Variants in ACACA observed in about 807,000 individuals in gnomAD.
The protein encoded by ACACA is acetyl-CoA carboxylase 1.
A neutral mutation model predicts 296.1 loss-of-function variants in ACACA; 103 were observed. That is an observed-to-expected ratio of 0.35 (90% CI 0.30 to 0.41). The LOEUF is 0.41. Among genes scored for constraint, ACACA ranks in the 10% least tolerant of loss-of-function variants. ACACA has a pLI of 1.00. For missense variants in ACACA, 1,554 were observed against 2,989.7 expected (o/e 0.52, Z 11.20); for synonymous variants, 953 against 1,038.6 (o/e 0.92, Z 1.58).
intron 1 of ACACA, among the ~76,000 whole-genome samples, chr17:37,393,398 C>G (rs901212016): frequency 6.6e-6 from 1 of 152,094 alleles, no homozygotes; most frequent in Non-Finnish European, 1.5e-5. Context: ...GCATTATATA[C>G]TTAGAAGCTC....
intron 8 of ACACA, among the ~76,000 whole-genome samples, chr17:37,275,271 G>A (rs2082230938): frequency 1.3e-5 from 2 of 152,118 alleles, no homozygotes; most frequent in African/African-American, 4.8e-5. Flanking sequence ...GCCAAGGCAG[G>A]TAGATCACAA....
intron 52 of ACACA, among the ~76,000 whole-genome samples, chr17:37,109,648 C>T (rs1049419438): frequency 2.6e-5 from 4 of 152,186 alleles, no homozygotes; most frequent in African/African-American, 9.7e-5. Flanking sequence ...AATGATTAAA[C>T]GGCTATCACT....
intron 45 of ACACA, among the ~76,000 whole-genome samples, chr17:37,134,786 C>T (rs796451913): frequency 3.9e-5 from 6 of 152,280 alleles, no homozygotes; most frequent in African/African-American, 1.4e-4. Flanking sequence ...AGGACATTTC[C>T]ATTCTCAAGA....
chr17:37,375,195 CA>C (rs111708187), intron 1 of ACACA, among the ~76,000 whole-genome samples: 3 of 144,038 alleles, frequency 2.1e-5, no homozygotes, highest in Admixed American at 6.9e-5. Context: ...CTCCATTTCA[CA>C]AAAAAAAAGG....
chr17:37,196,009 C>G (rs767046545), intron 35 of ACACA, among the ~76,000 whole-genome samples: 22 of 152,098 alleles, frequency 1.4e-4, no homozygotes, highest in Non-Finnish European at 3.2e-4. Flanking sequence ...AGCCAACCAT[C>G]ATCAAGACAA....
intron 52 of ACACA, among the ~76,000 whole-genome samples, chr17:37,105,762 G>A (rs1351505739): frequency 6.6e-6 from 1 of 151,334 alleles, no homozygotes. Flanking sequence ...TACTCAGGAG[G>A]CTGAGGTAGG....
chr17:37,350,944 C>G (rs2147471858), intron 1 of ACACA, among the ~76,000 whole-genome samples: 1 of 151,856 alleles, frequency 6.6e-6, no homozygotes, highest in Non-Finnish European at 1.5e-5. Context: ...ACCAGCGTGG[C>G]CAACATGGTA....
intron 32 of ACACA, 118 bp from the exon 33 acceptor site, chr17:37,205,990 G>T: frequency 4.5e-6 from 4 of 890,532 alleles, no homozygotes; most frequent in South Asian, 4.1e-5. Flanking sequence ...GGATATTTTG[G>T]TTTGCCCAGC....
intron 1 of ACACA, chr17:37,391,841 AC>A (rs1194362315): frequency 1.1e-6 from 1 of 936,246 alleles, no homozygotes; most frequent in Non-Finnish European, 1.7e-6. Context: ...ACAATCAAAC[AC>A]CAATTCCTGG....
intron 25 of ACACA, among the ~76,000 whole-genome samples, chr17:37,229,840 T>C (rs2079763168): frequency 6.6e-6 from 1 of 151,002 alleles, no homozygotes; most frequent in Admixed American, 6.6e-5. Context: ...GAGGCCGAGG[T>C]GGGCGGATTA....
At chr17:37,181,391 G>C (rs955936548) in intron 39 of ACACA, 35 bp from the exon 40 acceptor site, 2 of 1,613,296 alleles carry the variant, frequency 1.2e-6, no homozygotes, top group Non-Finnish European at 1.7e-6. Flanking sequence ...GGAGTTAAGA[G>C]ACAGAAAAAA....
intron 25 of ACACA, among the ~76,000 whole-genome samples, chr17:37,233,954 C>A (rs141738915): frequency 2.0e-5 from 3 of 152,072 alleles, no homozygotes; most frequent in Non-Finnish European, 2.9e-5. Flanking sequence ...AAATGTGATA[C>A]GCTTTAGAGT....
At chr17:37,164,741 G>A (rs1247410365) in intron 41 of ACACA, among the ~76,000 whole-genome samples, 1 of 152,156 alleles carries the variant, frequency 6.6e-6, no homozygotes, top group East Asian at 1.9e-4. Context: ...GGAATGAAAA[G>A]CTATTTTCTG....
At chr17:37,100,344 G>A (rs1443611526) in intron 52 of ACACA, among the ~76,000 whole-genome samples, 3 of 152,140 alleles carry the variant, frequency 2.0e-5, no homozygotes, top group Non-Finnish European at 2.9e-5. Flanking sequence ...CCTTAAGCAA[G>A]TAATTAAATT....
chr17:37,247,037 T>G (rs1326625396), intron 18 of ACACA, 61 bp from the exon 19 acceptor site: 79 of 1,592,748 alleles, frequency 5.0e-5, no homozygotes, highest in Non-Finnish European at 6.0e-5. Context: ...AGGAGAATGG[T>G]AGAGAATGTC....
intron 37 of ACACA, among the ~76,000 whole-genome samples, chr17:37,191,504 C>T (rs1394211255): frequency 6.6e-6 from 1 of 152,116 alleles, no homozygotes; most frequent in East Asian, 1.9e-4. Flanking sequence ...GTGCATCATT[C>T]CCTTCCAAGA....
intron 50 of ACACA, among the ~76,000 whole-genome samples, chr17:37,117,571 T>TG (rs1301947443): frequency 2.6e-5 from 4 of 152,178 alleles, no homozygotes; most frequent in Middle Eastern, 3.2e-3. Context: ...GTCTCCCTGT[T>TG]GTGGGTCATT....
chr17:37,376,812 A>G (rs1045429619), intron 1 of ACACA, among the ~76,000 whole-genome samples: 10 of 151,986 alleles, frequency 6.6e-5, no homozygotes, highest in Admixed American at 5.9e-4. Flanking sequence ...AAAATTAGCC[A>G]GGCATGGTGG....
At chr17:37,405,823 ATTACAGGCG>A (rs2051470488) in intron 1 of ACACA, among the ~76,000 whole-genome samples, 1 of 137,474 alleles carries the variant, frequency 7.3e-6, no homozygotes, top group Admixed American at 7.7e-5. Flanking sequence ...AAGTGCTGGA[ATTACAGGCG>A]TGAGCCACCG....
Sources: gnomAD v4.1 joint callset for allele counts (sites outside exome capture counted in the v4.1 genomes callset) on GRCh38, gnomAD v4.1.1 for gene constraint, MANE v1.5 for transcripts, NCBI Gene and HGNC (gene_info 2026-07-23, HGNC 2026-07-21) for gene names.